CPNE4: variants seen among roughly 807,000 people sequenced by gnomAD.
The protein encoded by CPNE4 is copine 4, also known as copine-4.
CPNE4 carries 25 observed loss-of-function variants against 67.9 expected under a neutral mutation model. The observed-to-expected ratio is 0.37, with a 90% confidence interval of 0.27 to 0.51. The LOEUF (loss-of-function observed/expected upper bound fraction) is 0.51. CPNE4 is among the 20% of genes least tolerant of loss of function. The probability of loss-of-function intolerance (pLI) is 0.93; values close to 1 mark genes in which losing one functional copy is unlikely to be tolerated. For missense variants in CPNE4, 464 were observed against 690.8 expected (o/e 0.67, Z 3.68); for synonymous variants, 242 against 244.9 (o/e 0.99, Z 0.11).
At chr3:131,973,834 G>A (rs1048956521) in intron 1 of CPNE4, among the ~76,000 whole-genome samples, 6 of 152,172 alleles carry the variant, frequency 3.9e-5, no homozygotes, top group Non-Finnish European at 5.9e-5. Flanking sequence ...TAGGAATAAC[G>A]TCAAAAGCAT....
intron 2 of CPNE4, among the ~76,000 whole-genome samples, chr3:131,811,938 A>G (rs556635762): frequency 1.4e-4 from 21 of 152,296 alleles, no homozygotes; most frequent in Non-Finnish European, 2.8e-4. Context: ...CTGGCAAAAG[A>G]AAGAACACTA....
At chr3:131,956,352 T>C (rs1222243176) in intron 1 of CPNE4, among the ~76,000 whole-genome samples, 6 of 152,194 alleles carry the variant, frequency 3.9e-5, no homozygotes. Context: ...ATTTGAGATA[T>C]GTGGGATTCA....
intron 3 of CPNE4, among the ~76,000 whole-genome samples, chr3:131,701,429 G>A (rs1291930402): frequency 2.0e-5 from 3 of 152,152 alleles, no homozygotes; most frequent in African/African-American, 7.2e-5. Flanking sequence ...CTAAAAAATA[G>A]AATAATACAA....
At chr3:131,560,168 C>T (rs888702640) in intron 11 of CPNE4, among the ~76,000 whole-genome samples, 2 of 151,910 alleles carry the variant, frequency 1.3e-5, no homozygotes, top group African/African-American at 4.8e-5. Flanking sequence ...AAGGTAGAAC[C>T]TGTGTTAGCC....
At chr3:131,949,815 T>C (rs959673744) in intron 1 of CPNE4, among the ~76,000 whole-genome samples, 1 of 152,214 alleles carries the variant, frequency 6.6e-6, no homozygotes, top group Non-Finnish European at 1.5e-5. Context: ...TTTTAAAATA[T>C]TGTATATTTT....
intron 7 of CPNE4, among the ~76,000 whole-genome samples, chr3:131,589,185 G>T (rs1478360529): frequency 1.3e-5 from 2 of 152,164 alleles, no homozygotes; most frequent in Non-Finnish European, 2.9e-5. Context: ...CTGCAAGCTG[G>T]GAAGCCAGTA....
chr3:131,700,858 T>C (rs913588756), intron 3 of CPNE4, among the ~76,000 whole-genome samples: 6 of 151,878 alleles, frequency 4.0e-5, no homozygotes, highest in African/African-American at 1.2e-4. Context: ...TGTCCATCAA[T>C]GATAGACTGG....
chr3:131,800,609 C>T (rs1223804474), intron 2 of CPNE4, among the ~76,000 whole-genome samples: 1 of 152,196 alleles, frequency 6.6e-6, no homozygotes, highest in Non-Finnish European at 1.5e-5. Flanking sequence ...GGCCCTCCTA[C>T]TGCTCCTGAT....
At chr3:132,004,512 A>C (rs1430426436) in intron 1 of CPNE4, among the ~76,000 whole-genome samples, 1 of 152,136 alleles carries the variant, frequency 6.6e-6, no homozygotes. Context: ...TATTCTGCTA[A>C]GTTTACTTAG....
chr3:131,831,849 G>T (rs2085383776), intron 2 of CPNE4, among the ~76,000 whole-genome samples: 1 of 152,116 alleles, frequency 6.6e-6, no homozygotes, highest in South Asian at 2.1e-4. Flanking sequence ...TTGAGCTAGG[G>T]AAATAATCTC....
chr3:131,669,838 CT>C (rs755996269), intron 6 of CPNE4, 74 bp from the exon 7 acceptor site: 4 of 1,133,706 alleles, frequency 3.5e-6, no homozygotes, highest in Non-Finnish European at 5.3e-6. Flanking sequence ...ATTAAAACTG[CT>C]TGAGAAACCA....
chr3:131,746,945 T>C (rs1479166391), intron 2 of CPNE4, among the ~76,000 whole-genome samples: 1 of 152,102 alleles, frequency 6.6e-6, no homozygotes, highest in Non-Finnish European at 1.5e-5. Flanking sequence ...TTTCTCTTGA[T>C]TTTTTGGTAG....
At chr3:131,911,709 T>C (rs1400415344) in intron 1 of CPNE4, among the ~76,000 whole-genome samples, 1 of 151,974 alleles carries the variant, frequency 6.6e-6, no homozygotes, top group Non-Finnish European at 1.5e-5. Context: ...AGGGATAGGG[T>C]ACAGGAAAGC....
intron 2 of CPNE4, among the ~76,000 whole-genome samples, chr3:131,775,586 G>A (rs919420717): frequency 2.6e-5 from 4 of 152,102 alleles, no homozygotes; most frequent in African/African-American, 9.7e-5. Flanking sequence ...AGTCTCATGA[G>A]ATCTGATGGT....
At chr3:131,914,859 C>G (rs1378006689) in intron 1 of CPNE4, among the ~76,000 whole-genome samples, 2 of 152,020 alleles carry the variant, frequency 1.3e-5, no homozygotes. Flanking sequence ...GCCTGTAATC[C>G]CAGCTACTCA....
At chr3:131,688,679 C>T (rs1220851815) in intron 5 of CPNE4, among the ~76,000 whole-genome samples, 1 of 151,990 alleles carries the variant, frequency 6.6e-6, no homozygotes, top group African/African-American at 2.4e-5. Flanking sequence ...CTCATTTTTT[C>T]CCTCTTTACT....
At chr3:131,801,477 T>TATATATATAA (rs1456669959) in intron 2 of CPNE4, among the ~76,000 whole-genome samples, 3 of 133,322 alleles carry the variant, frequency 2.3e-5, no homozygotes, top group South Asian at 4.9e-4. Context: ...TATATATATA[T>TATATATATAA]AATATCACTG....
chr3:131,823,518 CAG>C (rs886262632), intron 2 of CPNE4, among the ~76,000 whole-genome samples: 2 of 152,148 alleles, frequency 1.3e-5, no homozygotes, highest in African/African-American at 4.8e-5. Context: ...TGAATATAGA[CAG>C]GGTCAGAACT....
chr3:131,896,258 C>T lies in CPNE4; in HGVS notation c.180+9006G>A, dbSNP rs2088328188. 1.3e-5 allele frequency among the ~76,000 whole-genome samples: 2 copies of T among 151,864 alleles called. 1 individual carries two copies. The highest frequency in any genetic ancestry group is 4.1e-4 in the South Asian group (2 of 4,832). ...TTTTGATAATATACATATATATACA[C>T]ATATATTCTTTATTATGAAATGATA... On this transcript the variant is annotated intron_variant, in intron 2 of 15. Coordinates refer to ENST00000429747, the MANE Select transcript of CPNE4 (RefSeq NM_130808.3).
Sources: allele counts gnomAD v4.1 joint callset (sites outside exome capture counted in the v4.1 genomes callset), GRCh38; gene constraint gnomAD v4.1.1; transcripts MANE v1.5; gene names NCBI Gene and HGNC (gene_info 2026-07-23, HGNC 2026-07-21).